The following RGL3 variants were observed in gnomAD, a reference collection of about 807,000 sequenced individuals.
RGL3 encodes ral guanine nucleotide dissociation stimulator-like 3.
Under a neutral mutation model 90.6 loss-of-function variants are expected in RGL3, and 85 were observed. The ratio of observed to expected loss-of-function variants is 0.94; its 90% CI spans 0.79 to 1.12. RGL3 has a LOEUF of 1.12. Among genes scored for constraint, RGL3 ranks in the 50% most tolerant of loss-of-function variants. The probability of loss-of-function intolerance (pLI) is 0.00; values close to 1 mark genes in which losing one functional copy is unlikely to be tolerated. For synonymous variants in RGL3, 408 were observed against 385.5 expected (o/e 1.06, Z -0.68); for missense variants, 1,034 against 939.2 (o/e 1.10, Z -1.32).
At chr19:11,405,491 CATCTT>C (rs1968760767) in intron 7 of RGL3, 65 bp from the exon 8 acceptor site, 2 of 139,990 alleles carry the variant, frequency 1.4e-5, no homozygotes, top group South Asian at 6.4e-5. Context: ...GAAACTTCTT[CATCTT>C]TTTTTTTTTT....
chr19:11,400,304 G>C lies in RGL3; in HGVS notation c.1485-7C>G. ...GACCCGGGAGAGCCGGTAGCTGAGG[G>C]GTCAATATGTGGATGAGGTGGTGGG... On this transcript the variant is annotated splice_polypyrimidine_tract_variant and splice_region_variant and intron_variant, in intron 13 of 18. Coordinates refer to ENST00000380456, the MANE Select transcript of RGL3 (RefSeq NM_001035223.4). 6.4e-7 allele frequency: 1 copy of C among 1,572,872 alleles called. No homozygotes were observed.
At chr19:11,394,924 TA>T (rs1391479516) in intron 18 of RGL3, among the ~76,000 whole-genome samples, 1 of 151,690 alleles carries the variant, frequency 6.6e-6, no homozygotes, top group Non-Finnish European at 1.5e-5. Context: ...ACCCCGTCTC[TA>T]CTAAAAATAC....
At position 11,417,064 on chromosome 19, in the gene RGL3, A is replaced by C. The variant is rs201211777; in HGVS notation, c.148-5T>G. 6.3e-7 allele frequency: 1 copy of C among 1,583,138 alleles called. No homozygotes were observed. Among genetic ancestry groups the C allele is most frequent in the South Asian group, 1.2e-5 (1 of 85,602 alleles). ...ATTGGCAATGGGGCTGGGAGCCTGC[A>C]GGAGGGGAGAGGTGGCCATGAGAGA... On this transcript the variant is annotated splice_region_variant and splice_polypyrimidine_tract_variant and intron_variant, in intron 2 of 18. Transcript: ENST00000380456.
At chr19:11,416,275 A>G (rs1968996188) in intron 4 of RGL3, 127 bp from the exon 5 acceptor site, 1 of 777,938 alleles carries the variant, frequency 1.3e-6, no homozygotes, top group Non-Finnish European at 2.0e-6. Flanking sequence ...CTGCAGTGCA[A>G]TGGCCTGATC....
rs571054056 is a variant in RGL3, at chr19:11,406,887, A to G, written c.638-23T>C. On this transcript the variant is annotated intron_variant, in intron 5 of 18. Transcript: ENST00000380456. ...GTCCTGATCATTAGAAAGGGTTACAAACTCTCAAGTTTGAATCCAAGACTG... is the reference window on the plus strand; with the variant it reads ...GTCCTGATCATTAGAAAGGGTTACAGACTCTCAAGTTTGAATCCAAGACTG... 3 of 1,597,514 alleles carry G rather than the reference A, an allele frequency of 1.9e-6. No individual in the cohort carries two copies. In the East Asian group the frequency reaches 6.7e-5, roughly 36 times the overall value.
intron 5 of RGL3, among the ~76,000 whole-genome samples, chr19:11,413,967 C>T (rs547399954): frequency 2.7e-5 from 4 of 148,348 alleles, no homozygotes; most frequent in African/African-American, 9.8e-5. Context: ...AGGATGGTCT[C>T]GATCTCCGAA....
intron 8 of RGL3, 42 bp from the exon 9 acceptor site, chr19:11,405,273 G>A (rs774555175): frequency 1.2e-6 from 2 of 1,612,272 alleles, no homozygotes; most frequent in Admixed American, 3.3e-5. Flanking sequence ...CAGTGGCTTG[G>A]GAGGGTCAGA....
chr19:11,405,573 A>G (rs1968764300), intron 7 of RGL3, 147 bp from the exon 8 acceptor site: 1 of 639,968 alleles, frequency 1.6e-6, no homozygotes, highest in African/African-American at 2.1e-5. Context: ...GCTGGAGTGC[A>G]GTGGCTCGAT....
chr19:11,396,909 C>T (rs1968582979), intron 18 of RGL3, among the ~76,000 whole-genome samples: 1 of 151,936 alleles, frequency 6.6e-6, no homozygotes, highest in African/African-American at 2.4e-5. Flanking sequence ...CTCAAGTGAT[C>T]CGCCCAGCTT....
intron 16 of RGL3, among the ~76,000 whole-genome samples, chr19:11,398,980 A>G (rs1355750590): frequency 6.6e-6 from 1 of 151,676 alleles, no homozygotes; most frequent in South Asian, 2.1e-4. Context: ...CTTTTTCTTC[A>G]TAAACAGGAT....
intron 5 of RGL3, among the ~76,000 whole-genome samples, chr19:11,407,747 C>G (rs1342639821): frequency 6.7e-6 from 1 of 150,226 alleles, no homozygotes. Flanking sequence ...AATGCAATGG[C>G]GTGATCTTGG....
chr19:11,406,565 C>T lies in RGL3; in HGVS notation c.850G>A (p.Ala284Thr), dbSNP rs1261315925. The change falls in exon 7 of 19, where the codon GCT becomes ACT. Residue 284 changes from alanine (A) to threonine (T), a missense_variant. Ala to Thr is a moderately conservative substitution (Grantham distance 58). Transcript: ENST00000380456. ...CGCACAGTGGGGGAGGCGCCTGCAGCCCCCGGCCGGTCCCTCTGCGACCAC... is the reference window on the plus strand; with the variant it reads ...CGCACAGTGGGGGAGGCGCCTGCAGTCCCCGGCCGGTCCCTCTGCGACCAC... ...SVWSQRDRPGAAGASPTVRAT... is the reference protein window; with the variant it reads ...SVWSQRDRPGTAGASPTVRAT... 4 of 1,550,378 alleles carry T rather than the reference C, an allele frequency of 2.6e-6. No homozygotes were observed. Among genetic ancestry groups the T allele is most frequent in the African/African-American group, 1.4e-5 (1 of 73,170 alleles).
Position 11,406,713 on chromosome 19 carries a change from G to A in RGL3, c.780+9C>T. The A allele has an allele frequency of 6.2e-7, 1 of 1,613,624 alleles. No homozygotes were observed. The highest frequency in any genetic ancestry group is 8.5e-7 in the Non-Finnish European group (1 of 1,179,900). On this transcript the variant is annotated intron_variant, in intron 6 of 18. Transcript: ENST00000380456. Reference sequence around the variant, plus strand: ...TGTGGCTCATCCCGACCCTGTCCGGGATCCTCACCAAGTCTATGAGGGTCA... The same window carrying A: ...TGTGGCTCATCCCGACCCTGTCCGGAATCCTCACCAAGTCTATGAGGGTCA...
At chr19:11,408,285 C>T (rs1014831993) in intron 5 of RGL3, among the ~76,000 whole-genome samples, 5 of 152,088 alleles carry the variant, frequency 3.3e-5, no homozygotes, top group Middle Eastern at 3.2e-3. Context: ...TTTTTGTTTT[C>T]GTTTAAGATC....
chr19:11,404,500 C>A (rs1008031490), intron 9 of RGL3, among the ~76,000 whole-genome samples: 4 of 152,270 alleles, frequency 2.6e-5, no homozygotes, highest in African/African-American at 9.6e-5. Context: ...GCACTCCAGT[C>A]TGGGTGACAG....
chr19:11,413,562 G>C (rs1187780155), intron 5 of RGL3, among the ~76,000 whole-genome samples: 1 of 142,142 alleles, frequency 7.0e-6, no homozygotes. Context: ...AAAAAGGGCA[G>C]GGTCAGGCAC....
At chr19:11,396,612 A>G (rs1187439413) in intron 18 of RGL3, among the ~76,000 whole-genome samples, 1 of 145,814 alleles carries the variant, frequency 6.9e-6, no homozygotes, top group East Asian at 2.1e-4. Flanking sequence ...AGCCCATCCT[A>G]CAAATTGAAG....
At chr19:11,396,487 G>A (rs988068559) in intron 18 of RGL3, among the ~76,000 whole-genome samples, 5 of 151,126 alleles carry the variant, frequency 3.3e-5, no homozygotes, top group African/African-American at 4.9e-5. Context: ...TCTATTTTTT[G>A]TATAGATGGG....
chr19:11,414,194 CCTTTATATAT>C (rs1968928633), intron 5 of RGL3, among the ~76,000 whole-genome samples: 1 of 30,594 alleles, frequency 3.3e-5, no homozygotes, highest in Non-Finnish European at 6.2e-5. Context: ...TATATATATA[CCTTTATATAT>C]ATATATACCT....
Sources: allele counts gnomAD v4.1 joint callset (sites outside exome capture counted in the v4.1 genomes callset), GRCh38; gene constraint gnomAD v4.1.1; transcripts MANE v1.5; gene names NCBI Gene and HGNC (gene_info 2026-07-23, HGNC 2026-07-21).